The following NT5DC1 variants were observed in gnomAD, a reference collection of about 807,000 sequenced individuals.
The protein encoded by NT5DC1 is 5'-nucleotidase domain containing 1.
In NT5DC1, 42 loss-of-function variants were observed where a neutral mutation model predicts 59.4. That is an observed-to-expected ratio of 0.71 (90% confidence interval 0.55 to 0.92). The LOEUF (loss-of-function observed/expected upper bound fraction) is 0.92, where lower values mean the gene tolerates loss of function less well. Among genes scored for constraint, NT5DC1 ranks in the 40% least tolerant of loss-of-function variants. The pLI, the probability that NT5DC1 is intolerant of heterozygous loss-of-function variation, is 0.00. For missense variants in NT5DC1, 501 were observed against 537.1 expected, an observed-to-expected ratio of 0.93 and a Z score of 0.66; for synonymous variants, 172 against 188.1, an observed-to-expected ratio of 0.91 and a Z score of 0.70.
rs957778617 is a variant in NT5DC1, at chr6:116,106,191, A to AGAAT, written c.94-48_94-45dup. The AGAAT allele has an allele frequency of 6.8e-6, 6 of 888,578 alleles. No homozygotes were observed. In the African/African-American group the frequency reaches 8.2e-5, roughly 12 times the overall value. 55.0% of individuals were successfully genotyped at this position (888,578 alleles called of 1,614,324 possible). Reference sequence around the variant, plus strand: ...TTAGGGTTTTAGGTCTGTGACATTAAGAATGAATAGTGGGTGTTATATTTA... The same window carrying AGAAT: ...TTAGGGTTTTAGGTCTGTGACATTAAGAATGAATGAATAGTGGGTGTTATATTTA... On this transcript the variant is annotated intron_variant, in intron 1 of 11. Transcript: ENST00000319550.
At chr6:116,141,173 A>G (rs1250862460) in intron 6 of NT5DC1, among the ~76,000 whole-genome samples, 1 of 151,916 alleles carries the variant, frequency 6.6e-6, no homozygotes, top group Admixed American at 6.6e-5. Flanking sequence ...GATTCGAATG[A>G]TGGTGAGCAT....
chr6:116,190,129 G>A (rs777912775), intron 6 of NT5DC1, among the ~76,000 whole-genome samples: 1 of 151,850 alleles, frequency 6.6e-6, no homozygotes, highest in African/African-American at 2.4e-5. Context: ...TACATAAGAT[G>A]TAATATCTAT....
intron 6 of NT5DC1, among the ~76,000 whole-genome samples, chr6:116,147,455 A>T (rs182240784): frequency 2.9e-4 from 44 of 152,190 alleles, no homozygotes; most frequent in East Asian, 7.7e-4. Context: ...AAAGAAAAAA[A>T]AAATAAAAAG....
intron 6 of NT5DC1, 31 bp from the exon 7 acceptor site, chr6:116,221,023 G>T: frequency 2.7e-6 from 3 of 1,093,784 alleles, no homozygotes; most frequent in Non-Finnish European, 4.1e-6. Context: ...TGTTTAAAAA[G>T]AAAAACCTCA....
At chr6:116,121,471 G>T (rs1779123612) in intron 6 of NT5DC1, 4 of 1,613,942 alleles carry the variant, frequency 2.5e-6, no homozygotes, top group South Asian at 2.2e-5. Context: ...CTCCAGGAGG[G>T]CCAGATGGTC....
In NT5DC1 at chr6:116,238,975, A is replaced by G; in HGVS notation, c.1104A>G (p.Leu368=). ...TTCAGGGACCAAAAGCAAAACCTTTAAATACTTCATCTAAAAAATGGGGCT... is the reference window on the plus strand; with the variant it reads ...TTCAGGGACCAAAAGCAAAACCTTTGAATACTTCATCTAAAAAATGGGGCT... ...GKYEGPKAKP[L]NTSSKKWGSF... The change falls in exon 11 of 12, where the codon TTA becomes TTG. Residue 368 remains leucine, a synonymous_variant. Coordinates refer to ENST00000319550, the MANE Select transcript of NT5DC1 (RefSeq NM_152729.3). The G allele has an allele frequency of 6.2e-7, 1 of 1,603,282 alleles. No homozygotes were observed. The highest frequency in any genetic ancestry group is 8.5e-7 in the Non-Finnish European group (1 of 1,170,732).
chr6:116,130,464 TCTTTC>T (rs987845362), intron 6 of NT5DC1, among the ~76,000 whole-genome samples: 7 of 152,102 alleles, frequency 4.6e-5, no homozygotes, highest in African/African-American at 1.7e-4. Context: ...TTTTATAGCT[TCTTTC>T]CTTCTAATGT....
intron 6 of NT5DC1, among the ~76,000 whole-genome samples, chr6:116,218,834 CA>C (rs58544882): frequency 0.1 from 15,288 of 152,096 alleles, 1,265 homozygotes; most frequent in African/African-American, 0.23. Context: ...TTATGATATT[CA>C]TGCAATATAT....
chr6:116,109,227 C>T (rs1219505635), intron 3 of NT5DC1, among the ~76,000 whole-genome samples: 1 of 152,198 alleles, frequency 6.6e-6, no homozygotes, highest in East Asian at 1.9e-4. Flanking sequence ...CTGATATGTA[C>T]TCTCTTTTGT....
intron 6 of NT5DC1, among the ~76,000 whole-genome samples, chr6:116,132,896 A>T (rs1779504654): frequency 6.6e-6 from 1 of 152,190 alleles, no homozygotes; most frequent in Admixed American, 6.5e-5. Flanking sequence ...AGGTGCCATT[A>T]TAGAGCCCAG....
intron 6 of NT5DC1, among the ~76,000 whole-genome samples, chr6:116,162,512 T>C (rs1212552937): frequency 1.3e-5 from 2 of 152,244 alleles, no homozygotes; most frequent in Non-Finnish European, 2.9e-5. Context: ...TTGCATGTTT[T>C]TTCTGCATAT....
At chr6:116,205,697 A>AAATTTTT (rs1781437557) in intron 6 of NT5DC1, among the ~76,000 whole-genome samples, 1 of 152,052 alleles carries the variant, frequency 6.6e-6, no homozygotes, top group African/African-American at 2.4e-5. Flanking sequence ...TTGTATTAAA[A>AAATTTTT]GGGTACATTT....
chr6:116,237,853 C>T (rs753840851), intron 9 of NT5DC1, among the ~76,000 whole-genome samples: 29 of 152,230 alleles, frequency 1.9e-4, no homozygotes, highest in African/African-American at 3.4e-4. Context: ...AGCTCTTCAA[C>T]TGCAGGGGCC....
chr6:116,149,745 T>C (rs1779989069), intron 6 of NT5DC1, among the ~76,000 whole-genome samples: 1 of 152,200 alleles, frequency 6.6e-6, no homozygotes, highest in Non-Finnish European at 1.5e-5. Context: ...ATCTGGGATC[T>C]CCACATAAAA....
intron 6 of NT5DC1, among the ~76,000 whole-genome samples, chr6:116,214,398 C>T (rs1032510599): frequency 6.6e-6 from 1 of 152,012 alleles, no homozygotes; most frequent in Non-Finnish European, 1.5e-5. Context: ...TATCAGATAA[C>T]GTTAAATATG....
chr6:116,194,254 G>A (rs1781181290), intron 6 of NT5DC1, among the ~76,000 whole-genome samples: 1 of 151,976 alleles, frequency 6.6e-6, no homozygotes, highest in South Asian at 2.1e-4. Flanking sequence ...TCAAATGACG[G>A]AGTTTATAAA....
intron 6 of NT5DC1, among the ~76,000 whole-genome samples, chr6:116,173,544 C>T (rs1319004075): frequency 6.6e-6 from 1 of 152,090 alleles, no homozygotes; most frequent in East Asian, 1.9e-4. Flanking sequence ...GCAACAGCAA[C>T]ACTAAAGCTG....
intron 8 of NT5DC1, among the ~76,000 whole-genome samples, chr6:116,233,742 T>C (rs1274928816): frequency 6.6e-6 from 1 of 152,218 alleles, no homozygotes; most frequent in Admixed American, 6.5e-5. Context: ...TATTCACCTG[T>C]AAATTGAAGG....
At chr6:116,190,116 T>TA (rs1326966805) in intron 6 of NT5DC1, among the ~76,000 whole-genome samples, 3 of 151,946 alleles carry the variant, frequency 2.0e-5, no homozygotes, top group Non-Finnish European at 2.9e-5. Context: ...TTGTAGTGGA[T>TA]ATTACATAAG....
Sources: gnomAD v4.1 joint callset for allele counts (sites outside exome capture counted in the v4.1 genomes callset) on GRCh38, gnomAD v4.1.1 for gene constraint, MANE v1.5 for transcripts, NCBI Gene and HGNC (gene_info 2026-07-23, HGNC 2026-07-21) for gene names.